AP3S2: variants seen among roughly 807,000 people sequenced by gnomAD.
AP3S2 encodes the protein AP-3 complex subunit sigma-2.
Under a neutral mutation model 23.4 loss-of-function variants are expected in AP3S2, and 22 were observed. That is an observed-to-expected ratio of 0.94 (90% CI 0.67 to 1.34). The LOEUF is 1.34. Among genes scored for constraint, AP3S2 ranks in the 40% most tolerant of loss-of-function variants. The probability of loss-of-function intolerance (pLI) is 0.00; values close to 1 mark genes in which losing one functional copy is unlikely to be tolerated. For synonymous variants in AP3S2, 86 were observed against 87.1 expected (o/e 0.99, Z 0.07); for missense variants, 241 against 236.9 (o/e 1.02, Z -0.11).
rs200423937 is a variant in AP3S2 at position 89,867,169 on chromosome 15, C to A, written c.345+4306G>T. Among the ~76,000 whole-genome samples the A allele has an allele frequency of 1.6e-4, 23 of 145,930 alleles. No individual in the cohort carries two copies. In the South Asian group the frequency reaches 1.6e-3, roughly 10 times the overall value. ...TGCCGAGTGCCTGCGATTGCAGGCA[C>A]GCGCCGCCACGCCTGACTGGTTTTG... On this transcript the variant is annotated intron_variant, in intron 4 of 5. Transcript: ENST00000336418.
In AP3S2 at chr15:89,832,419, G is replaced by A. The variant is rs1895097586; in HGVS notation, c.*3096C>T. On this transcript the variant is annotated 3_prime_UTR_variant, in exon 6 of 6. Transcript: ENST00000336418. Reference sequence around the variant, plus strand: ...TGATCACACCACTGCACTCCAGCCTGAGCCACAGTGTGAGACCCCCATCTC... The same window carrying A: ...TGATCACACCACTGCACTCCAGCCTAAGCCACAGTGTGAGACCCCCATCTC... 6.6e-6 allele frequency: 1 copy of A among 151,822 alleles called. No individual in the cohort carries two copies. Among genetic ancestry groups the A allele is most frequent in the Non-Finnish European group, 1.5e-5 (1 of 68,012 alleles). The allele number at this position is 151,822 out of a possible 1,614,324, so 9.4% of individuals were successfully genotyped here. A position where few individuals can be genotyped will look rare whatever the true frequency, so the allele number is the denominator to read the frequency against.
chr15:89,835,420 C>T lies in AP3S2; in HGVS notation c.*95G>A, dbSNP rs892262581. ...AGTTTCCAGGTCCTGAGGCTTGACT[C>T]TTCTAAGGCTCAAAATGGGTTCTGT... On this transcript the variant is annotated 3_prime_UTR_variant, in exon 6 of 6. Coordinates refer to ENST00000336418, the MANE Select transcript of AP3S2 (RefSeq NM_005829.5). 3.2e-6 allele frequency: 5 copies of T among 1,568,944 alleles called. No individual in the cohort carries two copies. The Admixed American group carries it at 9.2e-5, about 29-fold the overall frequency.
intron 4 of AP3S2, among the ~76,000 whole-genome samples, chr15:89,862,181 G>A (rs1896022254): frequency 1.3e-5 from 2 of 152,068 alleles, no homozygotes. Context: ...AATAAGGTTA[G>A]AAAACCTGCC....
intron 3 of AP3S2, among the ~76,000 whole-genome samples, chr15:89,885,645 G>C (rs1381379031): frequency 6.6e-6 from 1 of 151,912 alleles, no homozygotes; most frequent in East Asian, 1.9e-4. Context: ...AATTTTTATT[G>C]TCTTTTCAAA....
At chr15:89,878,199 A>G (rs1896487945) in intron 3 of AP3S2, 2 of 624,654 alleles carry the variant, frequency 3.2e-6, no homozygotes, top group Middle Eastern at 3.0e-4. Flanking sequence ...GGTGATGATA[A>G]TAAAAATGGT....
intron 4 of AP3S2, among the ~76,000 whole-genome samples, chr15:89,840,616 C>T (rs1016936911): frequency 2.0e-5 from 3 of 152,164 alleles, no homozygotes; most frequent in South Asian, 2.1e-4. Flanking sequence ...TTAGTAGAGT[C>T]GGGGTTTCCT....
chr15:89,845,001 G>T (rs1232101755), intron 4 of AP3S2, among the ~76,000 whole-genome samples: 1 of 151,974 alleles, frequency 6.6e-6, no homozygotes, highest in Non-Finnish European at 1.5e-5. Context: ...TGTCTCCCAG[G>T]CTCAAGCGAT....
intron 1 of AP3S2, 119 bp from the exon 2 acceptor site, chr15:89,889,259 G>A: frequency 9.6e-7 from 1 of 1,041,432 alleles, no homozygotes; most frequent in Non-Finnish European, 1.4e-6. Flanking sequence ...TTTAGTACTT[G>A]TTTCTAGAAA....
At chr15:89,836,790 C>A (rs1397130575) in intron 5 of AP3S2, among the ~76,000 whole-genome samples, 1 of 152,194 alleles carries the variant, frequency 6.6e-6, no homozygotes, top group African/African-American at 2.4e-5. Context: ...GCCTACATTT[C>A]TAAAAGAACT....
intron 4 of AP3S2, among the ~76,000 whole-genome samples, chr15:89,859,891 G>A (rs1895972218): frequency 6.6e-6 from 1 of 151,468 alleles, no homozygotes; most frequent in Non-Finnish European, 1.5e-5. Flanking sequence ...AGCCTCCAGA[G>A]TAGCTAGGAC....
intron 4 of AP3S2, among the ~76,000 whole-genome samples, chr15:89,867,344 C>T (rs1316567055): frequency 2.0e-5 from 3 of 151,526 alleles, no homozygotes; most frequent in Non-Finnish European, 2.9e-5. Flanking sequence ...AGTGCAGTGG[C>T]GTGATCTCAG....
intron 4 of AP3S2, among the ~76,000 whole-genome samples, chr15:89,867,960 G>A (rs1205112971): frequency 5.4e-5 from 8 of 148,598 alleles, no homozygotes; most frequent in Non-Finnish European, 9.0e-5. Flanking sequence ...CGCCCCATCC[G>A]GCCAGCCGTG....
chr15:89,835,356 C>CT lies in AP3S2; in HGVS notation c.*158dup. On this transcript the variant is annotated 3_prime_UTR_variant, in exon 6 of 6. Transcript: ENST00000336418. ...ACCCGAGCAGTGTCAATAGGAATCC[C>CT]TTCCCTATTCCATGCCAAACAGTCT... is the stretch of plus-strand genomic sequence containing the variant. The CT allele has an allele frequency of 7.8e-7, 1 of 1,279,230 alleles. No homozygotes were observed. The highest frequency in any genetic ancestry group is 1.1e-6 in the Non-Finnish European group (1 of 932,694). 79.2% of individuals were successfully genotyped at this position (1,279,230 alleles called of 1,614,324 possible). A position where few individuals can be genotyped will look rare whatever the true frequency, so the allele number is the denominator to read the frequency against.
chr15:89,886,222 T>A (rs958016522), intron 3 of AP3S2, among the ~76,000 whole-genome samples: 1 of 151,906 alleles, frequency 6.6e-6, no homozygotes, highest in Non-Finnish European at 1.5e-5. Context: ...GTGCCTGTAA[T>A]CCCAGCTACT....
intron 4 of AP3S2, among the ~76,000 whole-genome samples, chr15:89,865,029 T>A (rs1331754730): frequency 6.6e-6 from 1 of 152,096 alleles, no homozygotes; most frequent in African/African-American, 2.4e-5. Flanking sequence ...GGATAAAAAT[T>A]AAGTTCTATA....
chr15:89,874,841 G>A (rs910797936), intron 3 of AP3S2, among the ~76,000 whole-genome samples: 2 of 151,838 alleles, frequency 1.3e-5, no homozygotes, highest in South Asian at 4.2e-4. Flanking sequence ...TAGATCAGTG[G>A]GGCAGAATAT....
At chr15:89,882,750 T>C (rs1301626248) in intron 3 of AP3S2, among the ~76,000 whole-genome samples, 1 of 152,242 alleles carries the variant, frequency 6.6e-6, no homozygotes, top group Non-Finnish European at 1.5e-5. Flanking sequence ...GATTTGGATT[T>C]TCTAGATAAT....
intron 3 of AP3S2, among the ~76,000 whole-genome samples, chr15:89,875,694 G>C (rs564434585): frequency 6.6e-6 from 1 of 152,220 alleles, no homozygotes; most frequent in Non-Finnish European, 1.5e-5. Flanking sequence ...CACGTCTGTA[G>C]TCTCAGTACT....
At chr15:89,839,034 C>T (rs1895262423) in intron 4 of AP3S2, among the ~76,000 whole-genome samples, 2 of 152,082 alleles carry the variant, frequency 1.3e-5, no homozygotes, top group Admixed American at 6.6e-5. Context: ...GTCACTGTGG[C>T]CTGTTCTCTA....
Sources: gnomAD v4.1 joint callset for allele counts (sites outside exome capture counted in the v4.1 genomes callset) on GRCh38, gnomAD v4.1.1 for gene constraint, MANE v1.5 for transcripts, NCBI Gene and HGNC (gene_info 2026-07-23, HGNC 2026-07-21) for gene names.